Variants in TMSB15B observed in about 807,000 individuals in gnomAD.
TMSB15B encodes the protein thymosin beta 15B, also known as thymosin beta-15B.
intron 1 of TMSB15B, among the ~76,000 whole-genome samples, chrX:103,923,613 G>A (rs1451671898): frequency 4.5e-5 from 5 of 111,928 alleles, no homozygotes; most frequent in Non-Finnish European, 9.4e-5. Flanking sequence ...TAGCCTTGTA[G>A]TATAGTTTGA....
At chrX:103,955,859 C>T (rs1193941554) in intron 1 of TMSB15B, among the ~76,000 whole-genome samples, 2 of 111,162 alleles carry the variant, frequency 1.8e-5, no homozygotes, top group Middle Eastern at 4.7e-3. Context: ...TCTCTATAGT[C>T]AAAATGAAAG....
intron 1 of TMSB15B, among the ~76,000 whole-genome samples, chrX:103,927,722 G>T (rs1463556566): frequency 9.7e-6 from 1 of 103,176 alleles, no homozygotes; most frequent in Non-Finnish European, 2.0e-5. Context: ...TTTATAGAAT[G>T]CACAGTTTTA....
chrX:103,953,464 T>C (rs1287893723), intron 1 of TMSB15B, among the ~76,000 whole-genome samples: 3 of 112,154 alleles, frequency 2.7e-5, no homozygotes, highest in African/African-American at 9.7e-5. Flanking sequence ...CCACAACACC[T>C]CACAGGATAA....
intron 1 of TMSB15B, chrX:103,928,056 C>G: frequency 1.2e-6 from 1 of 845,698 alleles, no homozygotes; most frequent in Non-Finnish European, 1.7e-6. Context: ...TTTTTTTCCA[C>G]CCTTGCCAGT....
At chrX:103,923,364 T>C (rs1464450448) in intron 1 of TMSB15B, among the ~76,000 whole-genome samples, 4 of 112,249 alleles carry the variant, frequency 3.6e-5, no homozygotes, top group African/African-American at 1.3e-4. Context: ...TAATCCATCT[T>C]GAATTAATTT....
chrX:103,944,087 A>G (rs2075019176), intron 1 of TMSB15B, among the ~76,000 whole-genome samples: 1 of 112,224 alleles, frequency 8.9e-6, no homozygotes, highest in South Asian at 3.7e-4. Flanking sequence ...TTATGTATGT[A>G]TGTATTTTTT....
At chrX:103,940,332 C>T (rs1452533686) in intron 1 of TMSB15B, among the ~76,000 whole-genome samples, 1 of 112,406 alleles carries the variant, frequency 8.9e-6, no homozygotes, top group Non-Finnish European at 1.9e-5. Flanking sequence ...GGGCTGCTGC[C>T]TTTCTTTCAG....
At chrX:103,923,111 T>C (rs1418359403) in intron 1 of TMSB15B, among the ~76,000 whole-genome samples, 1 of 112,211 alleles carries the variant, frequency 8.9e-6, no homozygotes, top group Non-Finnish European at 1.9e-5. Flanking sequence ...TAGCCCTTTG[T>C]CAGATGGGTA....
At chrX:103,928,630 T>C in intron 1 of TMSB15B, 2 of 1,154,646 alleles carry the variant, frequency 1.7e-6, no homozygotes, top group South Asian at 3.6e-5. Flanking sequence ...CCATGGTTTC[T>C]GGCCTGTCCT....
rs180677203 is a variant in TMSB15B, at chrX:103,941,160, A to G, written c.-720-20861A>G. 1.1e-3 allele frequency among the ~76,000 whole-genome samples: 121 copies of G among 112,166 alleles called. 1 individual carries two copies. Among genetic ancestry groups the G allele is most frequent in the African/African-American group, 3.7e-3 (113 of 30,938 alleles). ...ACACTGGAGCTGTTCCTATTCAGCC[A>G]TCTTGCCCAGGAGTCTCGCATTCCT... On this transcript the variant is annotated intron_variant, in intron 1 of 3. Coordinates refer to the TMSB15B transcript ENST00000419165.
chrX:103,952,389 TA>T (rs1167972161), intron 1 of TMSB15B, among the ~76,000 whole-genome samples: 1 of 111,472 alleles, frequency 9.0e-6, no homozygotes, highest in Admixed American at 9.5e-5. Flanking sequence ...GATTGCTATC[TA>T]AAGGCAGCAA....
chrX:103,953,341 C>T (rs1556328632), intron 1 of TMSB15B, among the ~76,000 whole-genome samples: 1 of 112,025 alleles, frequency 8.9e-6, no homozygotes, highest in African/African-American at 3.2e-5. Flanking sequence ...ATCCGGGCAT[C>T]CTAGCAAAAG....
At chrX:103,948,621 T>C (rs2075031526) in intron 1 of TMSB15B, among the ~76,000 whole-genome samples, 2 of 112,657 alleles carry the variant, frequency 1.8e-5, no homozygotes, top group South Asian at 7.3e-4. Context: ...TCAGTTACAG[T>C]ATAAGCATAG....
chrX:103,955,698 G>A (rs1556329021), intron 1 of TMSB15B, among the ~76,000 whole-genome samples: 1 of 111,326 alleles, frequency 9.0e-6, no homozygotes, highest in East Asian at 2.8e-4. Context: ...TGGGAAGAAT[G>A]GAATCAAATT....
At chrX:103,941,332 T>C (rs782812227) in intron 1 of TMSB15B, among the ~76,000 whole-genome samples, 1 of 112,150 alleles carries the variant, frequency 8.9e-6, no homozygotes, top group South Asian at 3.7e-4. Flanking sequence ...ATCTCTTCAA[T>C]ATACGGTTTA....
intron 1 of TMSB15B, among the ~76,000 whole-genome samples, chrX:103,935,363 A>T (rs2074994777): frequency 9.0e-6 from 1 of 111,620 alleles, no homozygotes; most frequent in Admixed American, 9.5e-5. Context: ...CCATTTGTCA[A>T]TTTTGGCTTT....
chrX:103,924,674 T>C (rs2074963223), intron 1 of TMSB15B, among the ~76,000 whole-genome samples: 1 of 111,731 alleles, frequency 9.0e-6, no homozygotes, highest in Non-Finnish European at 1.9e-5. Flanking sequence ...ACCAAAGGAC[T>C]GGGTGAGAGA....
intron 1 of TMSB15B, among the ~76,000 whole-genome samples, chrX:103,950,197 G>A (rs1407264297): frequency 3.6e-5 from 4 of 111,257 alleles, no homozygotes; most frequent in Admixed American, 2.8e-4. Context: ...GGAAAATTGA[G>A]GACATTGAAT....
At chrX:103,924,872 C>T (rs1162126555) in intron 1 of TMSB15B, among the ~76,000 whole-genome samples, 3 of 111,093 alleles carry the variant, frequency 2.7e-5, no homozygotes, top group Non-Finnish European at 3.8e-5. Flanking sequence ...TAGGTCCATT[C>T]GGTGGTCTGT....
Sources: allele counts gnomAD v4.1 joint callset (sites outside exome capture counted in the v4.1 genomes callset), GRCh38; gene constraint gnomAD v4.1.1; transcripts MANE v1.5; gene names NCBI Gene and HGNC (gene_info 2026-07-23, HGNC 2026-07-21).